Variants in DPF3 observed in about 807,000 individuals in gnomAD.
DPF3 encodes the protein zinc finger protein DPF3.
DPF3 carries 18 observed loss-of-function variants against 56.8 expected under a neutral mutation model. The ratio of observed to expected loss-of-function variants is 0.32; its 90% CI spans 0.22 to 0.47. The LOEUF (loss-of-function observed/expected upper bound fraction) is 0.47. DPF3 is among the 20% of genes least tolerant of loss of function. The probability of loss-of-function intolerance (pLI) is 1.00; values close to 1 mark genes in which losing one functional copy is unlikely to be tolerated. For synonymous variants in DPF3, 188 were observed against 180.2 expected (o/e 1.04, Z -0.35); for missense variants, 403 against 488.8 (o/e 0.82, Z 1.65).
At chr14:72,652,560 T>C (rs532330024) in intron 8 of DPF3, among the ~76,000 whole-genome samples, 16 of 152,286 alleles carry the variant, frequency 1.1e-4, no homozygotes, top group African/African-American at 3.8e-4. Context: ...AGACAGAGAC[T>C]TCCTTTAGAG....
intron 8 of DPF3, among the ~76,000 whole-genome samples, chr14:72,651,546 G>A (rs1467805481): frequency 6.6e-6 from 1 of 152,194 alleles, no homozygotes; most frequent in African/African-American, 2.4e-5. Context: ...GAAGAAGAAA[G>A]TAATTTTTTG....
chr14:72,742,376 C>T (rs35403398), intron 3 of DPF3: 1 of 152,394 alleles, frequency 6.6e-6, no homozygotes, highest in South Asian at 2.1e-4. Flanking sequence ...GTCCTTCCCC[C>T]TCGGAAGGAC....
At chr14:72,676,617 T>A (rs916570173) in intron 7 of DPF3, among the ~76,000 whole-genome samples, 3 of 152,216 alleles carry the variant, frequency 2.0e-5, no homozygotes, top group Non-Finnish European at 4.4e-5. Context: ...GGCAGGTTTT[T>A]CCCTAGCAGC....
At chr14:72,734,120 T>C (rs1889789543) in intron 3 of DPF3, among the ~76,000 whole-genome samples, 1 of 152,032 alleles carries the variant, frequency 6.6e-6, no homozygotes, top group Admixed American at 6.5e-5. Context: ...ACATAGGAGG[T>C]GAACCAAATA....
intron 8 of DPF3, chr14:72,671,129 C>G (rs768198687): frequency 6.2e-7 from 1 of 1,613,694 alleles, no homozygotes; most frequent in Admixed American, 1.7e-5. Flanking sequence ...GAGTCTGTTC[C>G]GTGGGTTTAG....
intron 1 of DPF3, among the ~76,000 whole-genome samples, chr14:72,800,754 G>GTACA (rs1892858882): frequency 5.9e-5 from 1 of 16,954 alleles, no homozygotes; most frequent in African/African-American, 2.5e-4. Flanking sequence ...GCATGGATGG[G>GTACA]TGCATGGGTG....
intron 1 of DPF3, among the ~76,000 whole-genome samples, chr14:72,883,268 C>T (rs575877117): frequency 6.6e-6 from 1 of 152,222 alleles, no homozygotes; most frequent in South Asian, 2.1e-4. Context: ...CAAGACCAGC[C>T]TGGGCAGCAC....
intron 2 of DPF3, among the ~76,000 whole-genome samples, chr14:72,764,487 T>G (rs901596279): frequency 8.7e-4 from 42 of 48,028 alleles, no homozygotes; most frequent in African/African-American, 2.0e-3. Context: ...CTGAGTTGTT[T>G]TTTTTTTTTT....
intron 1 of DPF3, among the ~76,000 whole-genome samples, chr14:72,888,274 A>G (rs1489408351): frequency 6.6e-6 from 1 of 151,982 alleles, no homozygotes; most frequent in Non-Finnish European, 1.5e-5. Flanking sequence ...CAGCCTAGAA[A>G]TTCTCCAGTC....
intron 8 of DPF3, chr14:72,662,611 C>G (rs1886263414): frequency 8.1e-6 from 8 of 985,204 alleles, no homozygotes; most frequent in Non-Finnish European, 8.4e-6. Flanking sequence ...CAAACTGAGG[C>G]CATTCCCAAG....
At chr14:72,690,994 T>C (rs1887655293) in intron 7 of DPF3, among the ~76,000 whole-genome samples, 1 of 152,136 alleles carries the variant, frequency 6.6e-6, no homozygotes, top group Non-Finnish European at 1.5e-5. Context: ...GAAATGCAAG[T>C]ATTGGCTGCC....
chr14:72,657,245 C>T (rs1261618136), intron 8 of DPF3, among the ~76,000 whole-genome samples: 1 of 152,230 alleles, frequency 6.6e-6, no homozygotes, highest in African/African-American at 2.4e-5. Context: ...TTGGGCCCCA[C>T]TCATTGTCTC....
intron 1 of DPF3, chr14:72,892,035 C>A: frequency 5.2e-6 from 6 of 1,163,928 alleles, no homozygotes; most frequent in Admixed American, 3.3e-5. Flanking sequence ...CTACTGTGAT[C>A]CAAAAAACCC....
At chr14:72,842,395 G>A (rs1174294052) in intron 1 of DPF3, among the ~76,000 whole-genome samples, 3 of 152,200 alleles carry the variant, frequency 2.0e-5, no homozygotes, top group Non-Finnish European at 4.4e-5. Flanking sequence ...ACTATATAGC[G>A]ATGAGAATGA....
chr14:72,670,139 A>G, intron 8 of DPF3: 1 of 985,790 alleles, frequency 1.0e-6, no homozygotes, highest in East Asian at 1.1e-4. Flanking sequence ...AGCCTTGATC[A>G]TCCAATGGGT....
chr14:72,824,121 C>A (rs925192575), intron 1 of DPF3, among the ~76,000 whole-genome samples: 1 of 152,170 alleles, frequency 6.6e-6, no homozygotes, highest in African/African-American at 2.4e-5. Context: ...TCTCCAACTC[C>A]AGGGTACCAC....
chr14:72,693,681 G>T (rs963421962), intron 6 of DPF3, among the ~76,000 whole-genome samples: 1 of 152,180 alleles, frequency 6.6e-6, no homozygotes, highest in Non-Finnish European at 1.5e-5. Flanking sequence ...AACATCCCAT[G>T]ACACAGATGA....
At chr14:72,886,010 G>A (rs1886530722) in intron 1 of DPF3, among the ~76,000 whole-genome samples, 1 of 152,190 alleles carries the variant, frequency 6.6e-6, no homozygotes, top group African/African-American at 2.4e-5. Flanking sequence ...GGTTCCCAGG[G>A]ATGGTAGGAA....
intron 3 of DPF3, 93 bp downstream of exon 3, chr14:72,753,171 T>C (rs1846977220): frequency 1.7e-6 from 2 of 1,173,980 alleles, no homozygotes; most frequent in Non-Finnish European, 2.4e-6. Flanking sequence ...CTTAGCTCTA[T>C]GGACAAAGGA....
Sources: allele counts gnomAD v4.1 joint callset (sites outside exome capture counted in the v4.1 genomes callset), GRCh38; gene constraint gnomAD v4.1.1; transcripts MANE v1.5; gene names NCBI Gene and HGNC (gene_info 2026-07-23, HGNC 2026-07-21).